VPS26A: variants seen among roughly 807,000 people sequenced by gnomAD.
The protein encoded by VPS26A is VPS26 retromer complex component A.
In VPS26A, 22 loss-of-function variants were observed where a neutral mutation model predicts 42.4. The observed-to-expected ratio is 0.52, with a 90% confidence interval of 0.37 to 0.74. The LOEUF (loss-of-function observed/expected upper bound fraction) is 0.74, where lower values mean the gene tolerates loss of function less well. Among genes scored for constraint, VPS26A ranks in the 30% least tolerant of loss-of-function variants. The probability of loss-of-function intolerance (pLI) is 0.00; values close to 1 mark genes in which losing one functional copy is unlikely to be tolerated. For missense variants in VPS26A, 276 were observed against 379.2 expected, an observed-to-expected ratio of 0.73 and a Z score of 2.26; for synonymous variants, 110 against 123.5, an observed-to-expected ratio of 0.89 and a Z score of 0.73.
At chr10:69,147,194 T>G (rs1373589121) in intron 2 of VPS26A, among the ~76,000 whole-genome samples, 1 of 152,244 alleles carries the variant, frequency 6.6e-6, no homozygotes, top group Non-Finnish European at 1.5e-5. Flanking sequence ...TTCATGTGCT[T>G]ATTGCCATAT....
At chr10:69,153,375 G>A (rs1233536565) in intron 2 of VPS26A, among the ~76,000 whole-genome samples, 1 of 151,712 alleles carries the variant, frequency 6.6e-6, no homozygotes, top group Admixed American at 6.6e-5. Context: ...ACAAGGTCTT[G>A]CCCTGTTGTC....
Position 69,156,988 on chromosome 10 carries a change from G to C in VPS26A, c.230-19G>C. 6.4e-7 allele frequency: 1 copy of C among 1,564,690 alleles called. No individual in the cohort carries two copies. Among genetic ancestry groups the C allele is most frequent in the Non-Finnish European group, 8.6e-7 (1 of 1,156,120 alleles). ...TGGCTATTAAATAATTGGTCTTTTT[G>C]CCTTTTAAAATTTCTCAGAACTTTT... On this transcript the variant is annotated intron_variant, in intron 3 of 8. Transcript: ENST00000263559.
At chr10:69,145,991 C>T (rs1841152717) in intron 2 of VPS26A, among the ~76,000 whole-genome samples, 1 of 152,120 alleles carries the variant, frequency 6.6e-6, no homozygotes, top group Non-Finnish European at 1.5e-5. Flanking sequence ...ACTGTGTGGC[C>T]TTTTGTGTCT....
intron 2 of VPS26A, among the ~76,000 whole-genome samples, chr10:69,134,666 A>ATT (rs753497087): frequency 6.9e-6 from 1 of 144,342 alleles, no homozygotes; most frequent in Non-Finnish European, 1.5e-5. Context: ...ATGTGAGGTT[A>ATT]TTTTTTTTTT....
At chr10:69,142,383 A>G (rs944575996) in intron 2 of VPS26A, among the ~76,000 whole-genome samples, 4 of 150,730 alleles carry the variant, frequency 2.7e-5, no homozygotes, top group African/African-American at 9.8e-5. Context: ...TTTTATAGAT[A>G]GGGTCTTGTT....
At chr10:69,133,848 G>T (rs534397852) in intron 2 of VPS26A, among the ~76,000 whole-genome samples, 1 of 152,102 alleles carries the variant, frequency 6.6e-6, no homozygotes, top group South Asian at 2.1e-4. Flanking sequence ...CACCACTTCA[G>T]CTAATTTTTT....
intron 2 of VPS26A, among the ~76,000 whole-genome samples, chr10:69,145,111 C>G (rs1371153620): frequency 6.6e-6 from 1 of 152,104 alleles, no homozygotes; most frequent in Non-Finnish European, 1.5e-5. Flanking sequence ...TCTTGGCTCA[C>G]TGAAACCTCC....
intron 2 of VPS26A, among the ~76,000 whole-genome samples, chr10:69,136,653 C>T (rs961203083): frequency 2.6e-5 from 4 of 151,974 alleles, no homozygotes; most frequent in Non-Finnish European, 5.9e-5. Flanking sequence ...ACTTTAAATT[C>T]TGTCATTTTG....
At chr10:69,166,574 G>C (rs1311498161) in intron 7 of VPS26A, among the ~76,000 whole-genome samples, 2 of 152,040 alleles carry the variant, frequency 1.3e-5, no homozygotes, top group Middle Eastern at 3.2e-3. Context: ...TAAAATTTAT[G>C]TCTGGGTTTT....
At chr10:69,126,955 TTTA>T (rs200263847) in intron 1 of VPS26A, among the ~76,000 whole-genome samples, 8 of 151,842 alleles carry the variant, frequency 5.3e-5, no homozygotes, top group South Asian at 2.1e-4. Context: ...GACTAGTTCT[TTTA>T]TTATTATTAT....
intron 5 of VPS26A, among the ~76,000 whole-genome samples, chr10:69,159,148 G>A (rs1841496915): frequency 1.3e-5 from 2 of 152,138 alleles, no homozygotes; most frequent in East Asian, 3.9e-4. Context: ...GCCAAGGTGG[G>A]CAGAGTTTGA....
intron 5 of VPS26A, 65 bp downstream of exon 5, chr10:69,158,276 C>A: frequency 7.5e-7 from 1 of 1,330,184 alleles, no homozygotes; most frequent in Admixed American, 2.7e-5. Context: ...AGGTGTTTGT[C>A]AGTTGGTCAA....
At chr10:69,124,975 A>AG (rs1467880585) in intron 1 of VPS26A, among the ~76,000 whole-genome samples, 3 of 152,132 alleles carry the variant, frequency 2.0e-5, no homozygotes, top group African/African-American at 7.2e-5. Flanking sequence ...TATGAGGCAG[A>AG]GGAGGGAGGG....
intron 6 of VPS26A, among the ~76,000 whole-genome samples, chr10:69,162,847 G>A (rs912404160): frequency 6.6e-6 from 1 of 152,142 alleles, no homozygotes; most frequent in Non-Finnish European, 1.5e-5. Flanking sequence ...CAGTGGAGCA[G>A]GTCAAAACTC....
At chr10:69,135,716 A>G (rs1420920338) in intron 2 of VPS26A, among the ~76,000 whole-genome samples, 1 of 152,226 alleles carries the variant, frequency 6.6e-6, no homozygotes, top group African/African-American at 2.4e-5. Context: ...AAAAGTTACT[A>G]TATCTTGAAT....
intron 8 of VPS26A, among the ~76,000 whole-genome samples, chr10:69,170,901 TTAAAG>T (rs796522514): frequency 1.1e-4 from 16 of 152,286 alleles, no homozygotes; most frequent in Admixed American, 3.3e-4. Context: ...GGGGAATTCT[TTAAAG>T]TAACAATAGG....
intron 2 of VPS26A, among the ~76,000 whole-genome samples, chr10:69,135,540 C>T (rs1023201770): frequency 6.6e-6 from 1 of 152,126 alleles, no homozygotes; most frequent in Non-Finnish European, 1.5e-5. Context: ...CCCAAGAGTT[C>T]AAGACCAGAT....
rs928793588 is a variant in VPS26A, at chr10:69,174,070, C to G, written c.*2801C>G. Among the ~76,000 whole-genome samples the G allele has an allele frequency of 3.9e-5, 6 of 152,234 alleles. No homozygotes were observed. The highest frequency in any genetic ancestry group is 1.9e-4 in the East Asian group (1 of 5,190). ...AAGAGAATAAAAGCTGGCCACCCCC[C>G]AGCCAGCAGCGGCAACCGGCTCGGG... On this transcript the variant is annotated 3_prime_UTR_variant, in exon 9 of 9. Transcript: ENST00000263559.
At chr10:69,130,525 T>C (rs1339953155) in intron 1 of VPS26A, among the ~76,000 whole-genome samples, 1 of 152,202 alleles carries the variant, frequency 6.6e-6, no homozygotes, top group Non-Finnish European at 1.5e-5. Context: ...AGAGAATACA[T>C]TGTGTGTGTG....
Sources: gnomAD v4.1 joint callset for allele counts (sites outside exome capture counted in the v4.1 genomes callset) on GRCh38, gnomAD v4.1.1 for gene constraint, MANE v1.5 for transcripts, NCBI Gene and HGNC (gene_info 2026-07-23, HGNC 2026-07-21) for gene names.